RAB38: variants seen among roughly 807,000 people sequenced by gnomAD.
The protein encoded by RAB38 is ras-related protein Rab-38.
A neutral mutation model predicts 18.4 loss-of-function variants in RAB38; 15 were observed. That is an observed-to-expected ratio of 0.82 (90% confidence interval 0.55 to 1.26). The LOEUF is 1.26. RAB38 is among the 50% of genes most tolerant of loss of function. RAB38 has a pLI of 0.00. For synonymous variants in RAB38, 101 were observed against 104.4 expected (o/e 0.97, Z 0.20); for missense variants, 294 against 267.4 (o/e 1.10, Z -0.69).
the RAB38 span, among the ~76,000 whole-genome samples, chr11:87,897,764 CTTTTAATGCTCAATGTACTT>C: frequency 6.6e-6 from 1 of 151,622 alleles, no homozygotes. Context: ...TCCTCTTCCA[CTTTTAATGCTCAATGTACTT>C]TTCAGCTCCA....
At chr11:87,854,282 T>C in the RAB38 span, among the ~76,000 whole-genome samples, 1 of 152,206 alleles carries the variant, frequency 6.6e-6, no homozygotes, top group Non-Finnish European at 1.5e-5. Flanking sequence ...TTAGCTAATA[T>C]TCTATACAAT....
At chr11:87,959,202 C>T in the RAB38 span, among the ~76,000 whole-genome samples, 13 of 151,946 alleles carry the variant, frequency 8.6e-5, no homozygotes, top group Admixed American at 2.0e-4. Context: ...TGAAACATTC[C>T]GACGCATTTA....
At chr11:88,134,395 C>A (rs1290585945) in intron 2 of RAB38, among the ~76,000 whole-genome samples, 3 of 146,194 alleles carry the variant, frequency 2.1e-5, no homozygotes, top group African/African-American at 7.5e-5. Flanking sequence ...TGTCTGCCAC[C>A]ATGCCTGGTT....
the RAB38 span, among the ~76,000 whole-genome samples, chr11:87,961,090 T>C: frequency 7.7e-3 from 1,166 of 152,172 alleles, 3 homozygotes; most frequent in Non-Finnish European, 0.013. Flanking sequence ...TAGAATAAAA[T>C]AAAATTTTCA....
At chr11:87,847,481 A>T in the RAB38 span, among the ~76,000 whole-genome samples, 1 of 152,166 alleles carries the variant, frequency 6.6e-6, no homozygotes, top group Non-Finnish European at 1.5e-5. Context: ...AAATTAAATA[A>T]ACTGAATCTG....
the RAB38 span, among the ~76,000 whole-genome samples, chr11:87,958,964 C>T: frequency 6.6e-6 from 1 of 152,110 alleles, no homozygotes; most frequent in Non-Finnish European, 1.5e-5. Flanking sequence ...TCACCACAGG[C>T]CTCCAATTTC....
At chr11:88,062,230 C>T in the RAB38 span, 2 of 151,922 alleles carry the variant, frequency 1.3e-5, no homozygotes, top group South Asian at 2.1e-4. Context: ...GTGGTTTCCC[C>T]CATGCTATTC....
chr11:88,090,839 G>T, the RAB38 span, among the ~76,000 whole-genome samples: 1 of 151,866 alleles, frequency 6.6e-6, no homozygotes, highest in African/African-American at 2.4e-5. Flanking sequence ...GCATCTGAGG[G>T]GCAGCCAATA....
the RAB38 span, among the ~76,000 whole-genome samples, chr11:87,940,186 A>C: frequency 1.3e-5 from 2 of 149,850 alleles, no homozygotes; most frequent in African/African-American, 4.9e-5. Flanking sequence ...AAAAAGAGAG[A>C]GAGAGGGAGA....
the RAB38 span, among the ~76,000 whole-genome samples, chr11:87,877,442 C>T: frequency 1.3e-5 from 2 of 151,358 alleles, 1 homozygote. Context: ...TATGAATTTC[C>T]TCCCTCCCCC....
chr11:88,076,170 T>C, the RAB38 span, among the ~76,000 whole-genome samples: 1 of 151,764 alleles, frequency 6.6e-6, no homozygotes, highest in Non-Finnish European at 1.5e-5. Context: ...GAAAGCATCA[T>C]TAAAGACTAC....
chr11:87,903,977 T>C, the RAB38 span, among the ~76,000 whole-genome samples: 1 of 151,728 alleles, frequency 6.6e-6, no homozygotes, highest in African/African-American at 2.4e-5. Context: ...AAATTATCTC[T>C]TGGTTTTGTG....
the RAB38 span, among the ~76,000 whole-genome samples, chr11:88,027,152 G>C: frequency 6.6e-6 from 1 of 151,880 alleles, no homozygotes; most frequent in Non-Finnish European, 1.5e-5. Context: ...TCTATTTCTA[G>C]TTTTCTGAGT....
chr11:88,090,574 G>A, the RAB38 span, among the ~76,000 whole-genome samples: 1 of 145,544 alleles, frequency 6.9e-6, no homozygotes, highest in Non-Finnish European at 1.5e-5. Context: ...AGAAGGAAAA[G>A]TGTAAATAAA....
At chr11:87,876,434 A>G in the RAB38 span, among the ~76,000 whole-genome samples, 2 of 151,528 alleles carry the variant, frequency 1.3e-5, no homozygotes, top group African/African-American at 2.4e-5. Context: ...CTCCCCCAAT[A>G]AATTTTTGTA....
At chr11:87,826,737 T>G in the RAB38 span, among the ~76,000 whole-genome samples, 2 of 152,112 alleles carry the variant, frequency 1.3e-5, no homozygotes, top group Admixed American at 6.6e-5. Flanking sequence ...TCAAGTTCAT[T>G]TGGCTAATAA....
chr11:88,145,213 G>T (rs182158249), intron 2 of RAB38, among the ~76,000 whole-genome samples: 2 of 151,900 alleles, frequency 1.3e-5, no homozygotes, highest in South Asian at 4.2e-4. Context: ...GCAATGGCGC[G>T]ATCTCAGGTC....
chr11:87,888,485 T>G, the RAB38 span, among the ~76,000 whole-genome samples: 1 of 151,976 alleles, frequency 6.6e-6, no homozygotes, highest in Non-Finnish European at 1.5e-5. Flanking sequence ...ATTCATACTT[T>G]CCTCTGAGCC....
the RAB38 span, among the ~76,000 whole-genome samples, chr11:88,022,319 A>C: frequency 4.1e-5 from 5 of 122,496 alleles, no homozygotes; most frequent in African/African-American, 1.3e-4. Flanking sequence ...AAAAACCCTC[A>C]AAAAAAAAAG....
Sources: gnomAD v4.1 joint callset for allele counts (sites outside exome capture counted in the v4.1 genomes callset) on GRCh38, gnomAD v4.1.1 for gene constraint, MANE v1.5 for transcripts, NCBI Gene and HGNC (gene_info 2026-07-23, HGNC 2026-07-21) for gene names.